The following HHAT variants were observed in gnomAD, a reference collection of about 807,000 sequenced individuals.
HHAT encodes the protein protein-cysteine N-palmitoyltransferase HHAT.
Under a neutral mutation model 70.8 loss-of-function variants are expected in HHAT, and 47 were observed. That is an observed-to-expected ratio of 0.66 (90% confidence interval 0.53 to 0.85). HHAT has a LOEUF of 0.85. Ranked by LOEUF, HHAT falls within the 40% of genes least tolerant of loss-of-function variation. HHAT has a pLI of 0.00. For missense variants in HHAT, 609 were observed against 604.8 expected, an observed-to-expected ratio of 1.01 and a Z score of -0.07; for synonymous variants, 228 against 247.6, an observed-to-expected ratio of 0.92 and a Z score of 0.74.
At chr1:210,601,968 A>AGTGT (rs1316112689) in intron 10 of HHAT, among the ~76,000 whole-genome samples, 3 of 35,698 alleles carry the variant, frequency 8.4e-5, no homozygotes, top group South Asian at 5.3e-3. Flanking sequence ...TATGTGTGTG[A>AGTGT]GAGTGTGTGT....
At chr1:210,405,158 G>A (rs1353413218) in intron 6 of HHAT, among the ~76,000 whole-genome samples, 2 of 152,218 alleles carry the variant, frequency 1.3e-5, no homozygotes, top group Non-Finnish European at 2.9e-5. Flanking sequence ...ACCTAGGTGT[G>A]AAAACAGAGT....
At chr1:210,468,540 C>T (rs2094146203) in intron 8 of HHAT, among the ~76,000 whole-genome samples, 1 of 152,108 alleles carries the variant, frequency 6.6e-6, no homozygotes, top group East Asian at 1.9e-4. Context: ...ATAGGAGTAT[C>T]TTTAGGCTGA....
chr1:210,562,925 C>T (rs527248548), intron 9 of HHAT, among the ~76,000 whole-genome samples: 68 of 150,810 alleles, frequency 4.5e-4, no homozygotes, highest in African/African-American at 1.3e-3. Flanking sequence ...TTTGTCCTTG[C>T]GATAGTTTGC....
intron 9 of HHAT, among the ~76,000 whole-genome samples, chr1:210,548,580 C>T (rs998704923): frequency 6.6e-6 from 1 of 152,174 alleles, no homozygotes; most frequent in Admixed American, 6.5e-5. Context: ...GATGCTCCTG[C>T]TGTGCCAGGG....
intron 10 of HHAT, among the ~76,000 whole-genome samples, chr1:210,591,731 A>G (rs1475376975): frequency 6.6e-6 from 1 of 152,010 alleles, no homozygotes; most frequent in Admixed American, 6.6e-5. Context: ...AGCCATTTTA[A>G]CTGGGGACAG....
intron 2 of HHAT, among the ~76,000 whole-genome samples, chr1:210,361,368 A>G (rs963151545): frequency 6.6e-6 from 1 of 152,230 alleles, no homozygotes; most frequent in African/African-American, 2.4e-5. Flanking sequence ...CAGCTGTCAC[A>G]GAGAGGACCA....
chr1:210,404,081 T>C (rs1339530749), intron 5 of HHAT, among the ~76,000 whole-genome samples: 66 of 152,310 alleles, frequency 4.3e-4, no homozygotes, highest in Middle Eastern at 3.4e-3. Flanking sequence ...CCCTCTTTGT[T>C]ATCTGAATTG....
chr1:210,599,456 C>T (rs1449918848), intron 10 of HHAT, among the ~76,000 whole-genome samples: 1 of 152,110 alleles, frequency 6.6e-6, no homozygotes, highest in Non-Finnish European at 1.5e-5. Flanking sequence ...TAATATGGAG[C>T]TCGTGACCCC....
intron 7 of HHAT, among the ~76,000 whole-genome samples, chr1:210,441,736 G>T (rs1416748145): frequency 7.9e-5 from 12 of 151,956 alleles, no homozygotes; most frequent in Non-Finnish European, 5.9e-5. Flanking sequence ...GTAATTAAGA[G>T]CAACAAATAA....
intron 1 of HHAT, among the ~76,000 whole-genome samples, chr1:210,333,802 T>C (rs1336631831): frequency 6.6e-6 from 1 of 152,122 alleles, no homozygotes; most frequent in East Asian, 1.9e-4. Context: ...GGATTACAGA[T>C]GTTCACCACC....
chr1:210,450,481 T>G (rs1018704035), intron 7 of HHAT, among the ~76,000 whole-genome samples: 1 of 152,024 alleles, frequency 6.6e-6, no homozygotes, highest in Non-Finnish European at 1.5e-5. Flanking sequence ...ATTAAAAAAT[T>G]ATTTTGTATC....
chr1:210,483,580 A>T (rs1403493771), intron 8 of HHAT, among the ~76,000 whole-genome samples: 1 of 148,820 alleles, frequency 6.7e-6, no homozygotes, highest in Non-Finnish European at 1.5e-5. Context: ...ATGTGAAAAT[A>T]GATTAGTTTC....
chr1:210,539,164 A>C (rs1392521917), intron 9 of HHAT, among the ~76,000 whole-genome samples: 1 of 151,982 alleles, frequency 6.6e-6, no homozygotes, highest in African/African-American at 2.4e-5. Context: ...AAGGTACACA[A>C]GGATCCACAC....
chr1:210,569,373 C>CAAAAAAAAAAAAA lies in HHAT; in HGVS notation c.1044-18511_1044-18499dup, dbSNP rs71146233. Among the ~76,000 whole-genome samples the CAAAAAAAAAAAAA allele has an allele frequency of 8.2e-3, 233 of 28,346 alleles. 64 individuals carry two copies. The highest frequency in any genetic ancestry group is 0.013 in the African/African-American group (102 of 8,138). 18.6% of individuals were successfully genotyped at this position (28,346 alleles called of 152,430 possible). ...CGGGCGACAGAGCCAGAGTCTGCCT[C>CAAAAAAAAAAAAA]AAAAAAAAAAAAAAAAAAAAAAAAA... On this transcript the variant is annotated intron_variant, in intron 9 of 11. Transcript: ENST00000261458.
At chr1:210,502,339 G>A (rs2094772717) in intron 8 of HHAT, among the ~76,000 whole-genome samples, 3 of 125,494 alleles carry the variant, frequency 2.4e-5, no homozygotes, top group Non-Finnish European at 4.7e-5. Context: ...AGGTGAGATT[G>A]CATCACTGCC....
intron 2 of HHAT, among the ~76,000 whole-genome samples, chr1:210,354,149 T>C (rs1164956637): frequency 1.3e-5 from 2 of 151,986 alleles, no homozygotes; most frequent in African/African-American, 2.4e-5. Context: ...TGTATTTTAG[T>C]ATATGATGTG....
At chr1:210,601,737 A>G (rs183508190) in intron 10 of HHAT, among the ~76,000 whole-genome samples, 97 of 152,314 alleles carry the variant, frequency 6.4e-4, no homozygotes, top group Non-Finnish European at 7.4e-5. Context: ...GATTAAAGAC[A>G]TAATAAAACC....
At chr1:210,498,332 C>T (rs1181825133) in intron 8 of HHAT, among the ~76,000 whole-genome samples, 1 of 152,114 alleles carries the variant, frequency 6.6e-6, no homozygotes, top group Non-Finnish European at 1.5e-5. Flanking sequence ...AATGTTGAGA[C>T]AACAGTATGA....
intron 9 of HHAT, among the ~76,000 whole-genome samples, chr1:210,550,575 G>C (rs1317437101): frequency 6.7e-6 from 1 of 149,082 alleles, no homozygotes; most frequent in African/African-American, 2.5e-5. Context: ...TGCAGGGGAA[G>C]ACTAGGGATG....
Sources: allele counts gnomAD v4.1 joint callset (sites outside exome capture counted in the v4.1 genomes callset), GRCh38; gene constraint gnomAD v4.1.1; transcripts MANE v1.5; gene names NCBI Gene and HGNC (gene_info 2026-07-23, HGNC 2026-07-21).